Variants in RAD51B observed in about 807,000 individuals in gnomAD.
The protein encoded by RAD51B is DNA repair protein RAD51 homolog 2.
In RAD51B, 38 loss-of-function variants were observed where a neutral mutation model predicts 42.2. The ratio of observed to expected loss-of-function variants is 0.90; its 90% confidence interval spans 0.70 to 1.18. The LOEUF is 1.18. RAD51B is among the 50% of genes most tolerant of loss of function. The pLI is 0.00. For missense variants in RAD51B, 373 were observed against 400.7 expected, an observed-to-expected ratio of 0.93 and a Z score of 0.59; for synonymous variants, 154 against 145.2, an observed-to-expected ratio of 1.06 and a Z score of -0.43.
At chr14:67,927,785 A>ATATATACACATATATATATATATACACAT (rs1332025885) in intron 7 of RAD51B, among the ~76,000 whole-genome samples, 2 of 148,884 alleles carry the variant, frequency 1.3e-5, no homozygotes, top group African/African-American at 5.1e-5. Context: ...ACACATATAT[A>ATATATACACATATATATATATATACACAT]ATGTGTGTGT....
intron 8 of RAD51B, among the ~76,000 whole-genome samples, chr14:68,299,010 C>T (rs573112232): frequency 1.3e-5 from 2 of 152,036 alleles, no homozygotes; most frequent in Admixed American, 6.5e-5. Context: ...AGTTGAGTTC[C>T]GAACTAGTTT....
chr14:68,475,106 C>T (rs1403172151), intron 10 of RAD51B, among the ~76,000 whole-genome samples: 2 of 152,190 alleles, frequency 1.3e-5, no homozygotes, highest in African/African-American at 4.8e-5. Context: ...AAAGCATCCC[C>T]CATCCCTTAA....
intron 9 of RAD51B, among the ~76,000 whole-genome samples, chr14:68,448,359 T>C (rs747759720): frequency 6.6e-6 from 1 of 152,246 alleles, no homozygotes; most frequent in Non-Finnish European, 1.5e-5. Flanking sequence ...ACTAAAGCTG[T>C]GGACTACAGT....
chr14:68,274,220 C>T (rs1307462643), intron 7 of RAD51B, among the ~76,000 whole-genome samples: 4 of 152,090 alleles, frequency 2.6e-5, no homozygotes, highest in Non-Finnish European at 5.9e-5. Context: ...TCACTCTTCC[C>T]CTTCTTTTTT....
intron 7 of RAD51B, among the ~76,000 whole-genome samples, chr14:68,174,521 C>A (rs936382935): frequency 6.6e-6 from 1 of 152,174 alleles, no homozygotes; most frequent in African/African-American, 2.4e-5. Context: ...TACCTTGAGC[C>A]TTTCAATGAT....
intron 8 of RAD51B, among the ~76,000 whole-genome samples, chr14:68,395,887 T>C (rs551572098): frequency 6.6e-6 from 1 of 152,342 alleles, no homozygotes; most frequent in East Asian, 1.9e-4. Flanking sequence ...TTTTAACACA[T>C]GATTCTTCTG....
At chr14:68,365,838 A>G (rs943621808) in intron 8 of RAD51B, among the ~76,000 whole-genome samples, 5 of 152,192 alleles carry the variant, frequency 3.3e-5, no homozygotes, top group African/African-American at 1.2e-4. Flanking sequence ...ATCAGACTCA[A>G]AAACAGTTGG....
In RAD51B at chr14:68,344,475, G is replaced by A. The variant is rs533850723; in HGVS notation, c.853+52495G>A. 1.4e-4 allele frequency among the ~76,000 whole-genome samples: 21 copies of A among 152,094 alleles called. No individual in the cohort carries two copies. The East Asian group carries it at 2.3e-3, about 17-fold the overall frequency. ...ATCCTGGCTAACACAGTGAAACCCC[G>A]TCTCTACTAAAAGTACAAAAAATTA... is the stretch of plus-strand genomic sequence containing the variant. On this transcript the variant is annotated intron_variant, in intron 8 of 10. Coordinates refer to ENST00000471583, the MANE Select transcript of RAD51B (RefSeq NM_133510.4).
intron 9 of RAD51B, among the ~76,000 whole-genome samples, chr14:68,421,276 T>C (rs2140107262): frequency 6.6e-6 from 1 of 152,250 alleles, no homozygotes; most frequent in South Asian, 2.1e-4. Context: ...AGCATTCGTC[T>C]TCTGGCTGCT....
intron 7 of RAD51B, among the ~76,000 whole-genome samples, chr14:68,032,562 C>G (rs1194106935): frequency 2.0e-5 from 3 of 152,132 alleles, no homozygotes; most frequent in African/African-American, 7.2e-5. Context: ...AAACAGAGTT[C>G]TGATAATTCT....
rs993000180 is a variant in RAD51B, at chr14:68,657,605, G to A, written c.*11+6749G>A. On this transcript the variant is annotated intron_variant, in intron 11 of 11. Transcript: ENST00000488612. ...GGACTGCTGCCTCGGCCCCTGCAGAGATCAGTCTGGTGGCTTCAGGCATCT... is the reference window on the plus strand; with the variant it reads ...GGACTGCTGCCTCGGCCCCTGCAGAAATCAGTCTGGTGGCTTCAGGCATCT... Among the ~76,000 whole-genome samples, 9 of 152,362 alleles carry A rather than the reference G, an allele frequency of 5.9e-5. No individual in the cohort carries two copies. The South Asian group carries it at 6.2e-4, about 11-fold the overall frequency.
chr14:68,619,461 C>CAAA (rs371609592), intron 10 of RAD51B, among the ~76,000 whole-genome samples: 1 of 123,722 alleles, frequency 8.1e-6, no homozygotes. Context: ...GACTCCATCT[C>CAAA]AAAAAAAAAA....
chr14:68,346,344 T>A (rs928759440), intron 8 of RAD51B, among the ~76,000 whole-genome samples: 5 of 152,196 alleles, frequency 3.3e-5, no homozygotes, highest in African/African-American at 1.2e-4. Flanking sequence ...CTGTTGTTTT[T>A]AAGCAAAAAA....
chr14:68,354,216 G>GTTTTTTTTTTTTTTTTT (rs3075406), intron 8 of RAD51B, among the ~76,000 whole-genome samples: 1 of 110,484 alleles, frequency 9.1e-6, no homozygotes, highest in Non-Finnish European at 1.8e-5. Context: ...TGGTTTTTTG[G>GTTTTTTTTTTTTTTTTT]TTTTTTTTTT....
At chr14:68,391,224 C>T (rs557611735) in intron 8 of RAD51B, among the ~76,000 whole-genome samples, 20 of 143,414 alleles carry the variant, frequency 1.4e-4, no homozygotes, top group African/African-American at 5.0e-4. Context: ...ATTTCTTTTT[C>T]ACATTGTTTC....
chr14:67,941,718 C>G (rs1055306648), intron 7 of RAD51B, among the ~76,000 whole-genome samples: 8 of 152,160 alleles, frequency 5.3e-5, no homozygotes, highest in Non-Finnish European at 1.0e-4. Context: ...AGAGATATAG[C>G]ACAGTACCTC....
At chr14:68,269,287 C>T (rs73290253) in intron 7 of RAD51B, among the ~76,000 whole-genome samples, 7,065 of 152,254 alleles carry the variant, frequency 0.046, 565 homozygotes, top group African/African-American at 0.16. Flanking sequence ...CACCAGTGGT[C>T]TCCCACACTC....
chr14:68,090,305 T>C (rs1387496509), intron 7 of RAD51B, among the ~76,000 whole-genome samples: 1 of 152,226 alleles, frequency 6.6e-6, no homozygotes, highest in African/African-American at 2.4e-5. Flanking sequence ...TCTTTTGGTA[T>C]TGAATGACCA....
intron 7 of RAD51B, among the ~76,000 whole-genome samples, chr14:68,226,504 G>A (rs1404583073): frequency 6.6e-6 from 1 of 152,082 alleles, no homozygotes; most frequent in Non-Finnish European, 1.5e-5. Context: ...TCTTTCCTGT[G>A]CTGTTTTCAT....
Sources: allele counts gnomAD v4.1 joint callset (sites outside exome capture counted in the v4.1 genomes callset), GRCh38; gene constraint gnomAD v4.1.1; transcripts MANE v1.5; gene names NCBI Gene and HGNC (gene_info 2026-07-23, HGNC 2026-07-21).